FAM118B: variants seen among roughly 807,000 people sequenced by gnomAD.
FAM118B encodes SIR2 antiphage like 1.
FAM118B carries 24 observed loss-of-function variants against 38.5 expected under a neutral mutation model. The ratio of observed to expected loss-of-function variants is 0.62; its 90% CI spans 0.45 to 0.88. The LOEUF is 0.88. Ranked by LOEUF, FAM118B falls within the 40% of genes least tolerant of loss-of-function variation. The probability of loss-of-function intolerance (pLI) is 0.00; values close to 1 mark genes in which losing one functional copy is unlikely to be tolerated. For missense variants in FAM118B, 334 were observed against 420.0 expected (o/e 0.80, Z 1.79); for synonymous variants, 138 against 156.3 (o/e 0.88, Z 0.87).
chr11:126,254,033 A>G (rs767059222), intron 5 of FAM118B, among the ~76,000 whole-genome samples: 4 of 152,172 alleles, frequency 2.6e-5, no homozygotes, highest in African/African-American at 4.8e-5. Flanking sequence ...CACCAGTGCA[A>G]AGGGTCCCTG....
In FAM118B at chr11:126,256,825, T is replaced by C. The variant is rs1950586404; in HGVS notation, c.955T>C (p.Cys319Arg). The change falls in exon 7 of 9, where the codon TGT (cysteine) becomes CGT (arginine). Residue 319 changes from cysteine (C) to arginine (R), a missense_variant. Cys to Arg is a radical substitution (Grantham distance 180). This residue lies in a region of FAM118B where 88 missense variants were observed against 98.1 expected (regional missense o/e 0.90). Coordinates refer to ENST00000533050, the MANE Select transcript of FAM118B (RefSeq NM_024556.4). This position sits in a 1 kb window ranked among gnomAD's most constrained non-coding sequence, Gnocchi z 6.6. ...TCCAGAATATTTCAAGCGACTGACA[T>C]GTGAGATCTCCACAAGGGGTACATC... ...DLPEYFKRLT[C>R]EISTRGTSAG... The C allele has an allele frequency of 6.8e-6, 11 of 1,611,876 alleles. No individual in the cohort carries two copies. The highest frequency in any genetic ancestry group is 9.3e-6 in the Non-Finnish European group (11 of 1,179,112).
chr11:126,231,111 A>C (rs534877495), intron 2 of FAM118B, among the ~76,000 whole-genome samples: 84 of 152,298 alleles, frequency 5.5e-4, no homozygotes, highest in African/African-American at 2.0e-3. Context: ...ATTTCTGTTA[A>C]TGAGGTTGCT....
chr11:126,221,250 A>G (rs1263892758), intron 1 of FAM118B, among the ~76,000 whole-genome samples: 1 of 152,208 alleles, frequency 6.6e-6, no homozygotes, highest in African/African-American at 2.4e-5. Context: ...CCTGAAAAGA[A>G]TATCATGCTA....
At chr11:126,246,649 C>G (rs1348015221) in intron 4 of FAM118B, among the ~76,000 whole-genome samples, 2 of 151,880 alleles carry the variant, frequency 1.3e-5, no homozygotes, top group African/African-American at 2.4e-5. Flanking sequence ...CCTGTGTTGC[C>G]CAGGCTGGTG....
chr11:126,220,639 C>T (rs914736752), intron 1 of FAM118B, among the ~76,000 whole-genome samples: 1 of 151,998 alleles, frequency 6.6e-6, no homozygotes, highest in Admixed American at 6.6e-5. Context: ...CCCTTGAGCC[C>T]CAGAGTTTGA....
chr11:126,228,870 A>G (rs2135145312), intron 1 of FAM118B, among the ~76,000 whole-genome samples: 1 of 152,224 alleles, frequency 6.6e-6, no homozygotes, highest in Admixed American at 6.5e-5. Flanking sequence ...TCAAATTTTA[A>G]CTCATAGAGA....
At chr11:126,259,799 C>T (rs554663387) in intron 7 of FAM118B, among the ~76,000 whole-genome samples, 1 of 151,908 alleles carries the variant, frequency 6.6e-6, no homozygotes, top group African/African-American at 2.4e-5. Flanking sequence ...CAGCTCACTG[C>T]AAGCTCTGCC....
At chr11:126,241,708 C>T (rs1335815731) in intron 4 of FAM118B, among the ~76,000 whole-genome samples, 1 of 151,986 alleles carries the variant, frequency 6.6e-6, no homozygotes, top group Non-Finnish European at 1.5e-5. Context: ...TGCCACCATG[C>T]CCAGCTAATT....
intron 3 of FAM118B, among the ~76,000 whole-genome samples, chr11:126,236,297 G>C (rs1950273760): frequency 6.6e-6 from 1 of 152,162 alleles, no homozygotes; most frequent in Non-Finnish European, 1.5e-5. Flanking sequence ...GGACATATTT[G>C]AAAAGGTCTT....
At chr11:126,229,127 A>G (rs1168913753) in intron 1 of FAM118B, 98 bp from the exon 2 acceptor site, 1 of 152,188 alleles carries the variant, frequency 6.6e-6, no homozygotes, top group Non-Finnish European at 1.5e-5. Flanking sequence ...TATGCCATTT[A>G]TGATGGAATT....
intron 1 of FAM118B, among the ~76,000 whole-genome samples, chr11:126,227,579 T>G (rs1233512987): frequency 6.6e-6 from 1 of 152,174 alleles, no homozygotes; most frequent in Non-Finnish European, 1.5e-5. Flanking sequence ...TGTAAAACAT[T>G]TATTTTCCTT....
intron 4 of FAM118B, among the ~76,000 whole-genome samples, chr11:126,243,039 T>G (rs1950378133): frequency 6.6e-6 from 1 of 152,172 alleles, no homozygotes; most frequent in South Asian, 2.1e-4. Flanking sequence ...AGGAATGAAG[T>G]GCTCGTCCCA....
intron 1 of FAM118B, among the ~76,000 whole-genome samples, chr11:126,226,950 C>CAA (rs11320787): frequency 1.6e-5 from 2 of 121,542 alleles, no homozygotes; most frequent in South Asian, 2.6e-4. Context: ...AGACCCCGTC[C>CAA]AAAAAAAAAA....
chr11:126,214,429 C>T (rs1157994152), intron 1 of FAM118B: 1 of 125,924 alleles, frequency 7.9e-6, no homozygotes, highest in East Asian at 3.0e-4. Flanking sequence ...GAGCAATAAT[C>T]ACCCCTCAGA....
At chr11:126,242,793 G>C (rs368268507) in intron 4 of FAM118B, among the ~76,000 whole-genome samples, 4 of 152,230 alleles carry the variant, frequency 2.6e-5, no homozygotes, top group African/African-American at 9.6e-5. Context: ...TGATGCAGTT[G>C]CTTTGGAAAA....
At chr11:126,215,064 C>G (rs183377763) in intron 1 of FAM118B, among the ~76,000 whole-genome samples, 4 of 152,172 alleles carry the variant, frequency 2.6e-5, no homozygotes, top group South Asian at 4.1e-4. Flanking sequence ...AGCAGGAACT[C>G]TTGGGAGGTG....
chr11:126,256,489 C>T lies in FAM118B; in HGVS notation c.697-78C>T, dbSNP rs532528220. The T allele has an allele frequency of 6.0e-5, 83 of 1,390,060 alleles. No homozygotes were observed. In the African/African-American group the frequency reaches 6.3e-4, roughly 11 times the overall value. The allele number at this position is 1,390,060 out of a possible 1,614,324, so 86.1% of individuals were successfully genotyped here. A position where few individuals can be genotyped will look rare whatever the true frequency, so the allele number is the denominator to read the frequency against. ...TAATTGGTCATCACAGTCTGCTCAA[C>T]GTAGCATGACCTTCTTGTTTCAGAC... On this transcript the variant is annotated intron_variant, in intron 6 of 8. Coordinates refer to ENST00000533050, the MANE Select transcript of FAM118B (RefSeq NM_024556.4). The surrounding 1 kb of genome is among the most constrained non-coding windows in gnomAD (Gnocchi z 6.6).
intron 1 of FAM118B, among the ~76,000 whole-genome samples, chr11:126,221,627 T>A (rs762735838): frequency 6.6e-6 from 1 of 151,206 alleles, no homozygotes; most frequent in Non-Finnish European, 1.5e-5. Flanking sequence ...GAAGGTAGCG[T>A]TTTGGGAGTC....
intron 2 of FAM118B, among the ~76,000 whole-genome samples, chr11:126,234,580 A>G (rs901397998): frequency 6.6e-6 from 1 of 152,214 alleles, no homozygotes; most frequent in Non-Finnish European, 1.5e-5. Context: ...TAAATGGGTA[A>G]TTGGGGGCTA....
Sources: gnomAD v4.1 joint callset for allele counts (sites outside exome capture counted in the v4.1 genomes callset) on GRCh38, gnomAD v4.1.1 for gene constraint, gnomAD v4.1.1 regional missense constraint, Gnocchi (gnomAD v3.1) non-coding constraint, MANE v1.5 for transcripts, NCBI Gene and HGNC (gene_info 2026-07-23, HGNC 2026-07-21) for gene names.